DCAF6: variants seen among roughly 807,000 people sequenced by gnomAD.
DCAF6 encodes DDB1 and CUL4 associated factor 6.
A neutral mutation model predicts 125.1 loss-of-function variants in DCAF6; 54 were observed. The ratio of observed to expected loss-of-function variants is 0.43; its 90% CI spans 0.35 to 0.54. The LOEUF (loss-of-function observed/expected upper bound fraction) is 0.54. Ranked by LOEUF, DCAF6 falls within the 20% of genes least tolerant of loss-of-function variation. The pLI is 0.01. For missense variants in DCAF6, 934 were observed against 1,161.7 expected (o/e 0.80, Z 2.85); for synonymous variants, 371 against 390.4 (o/e 0.95, Z 0.58).
chr1:168,032,306 A>C (rs1047775778), intron 12 of DCAF6, among the ~76,000 whole-genome samples: 1 of 152,250 alleles, frequency 6.6e-6, no homozygotes, highest in Non-Finnish European at 1.5e-5. Flanking sequence ...TCTGTAGGGT[A>C]GATAGATCTT....
chr1:167,882,742 T>C, the DCAF6 span, among the ~76,000 whole-genome samples: 3 of 151,718 alleles, frequency 2.0e-5, no homozygotes, highest in African/African-American at 7.3e-5. Context: ...CCCAGCATAG[T>C]GAGCTCAGAC....
At chr1:167,905,170 T>G in the DCAF6 span, 1 of 1,613,728 alleles carries the variant, frequency 6.2e-7, no homozygotes, top group Non-Finnish European at 8.5e-7. Context: ...GATTTTATGG[T>G]GACAGGAAGC....
At chr1:168,018,237 A>G (rs1685229686) in intron 11 of DCAF6, among the ~76,000 whole-genome samples, 1 of 152,162 alleles carries the variant, frequency 6.6e-6, no homozygotes, top group Non-Finnish European at 1.5e-5. Flanking sequence ...AATATTATCT[A>G]TTTAGTTGCT....
At chr1:168,004,477 T>C in intron 9 of DCAF6, 56 bp from the exon 10 acceptor site, 1 of 1,536,422 alleles carries the variant, frequency 6.5e-7, no homozygotes, top group East Asian at 2.3e-5. Context: ...CTGTTTAGAG[T>C]TGTTGGTTTT....
At position 168,051,016 on chromosome 1, in the gene DCAF6, A is replaced by G. The variant is rs578091059; in HGVS notation, c.2300+83A>G. 34 of 641,846 alleles carry G rather than the reference A, an allele frequency of 5.3e-5. No individual in the cohort carries two copies. In the East Asian group the frequency reaches 8.6e-4, roughly 16 times the overall value. The allele number at this position is 641,846 out of a possible 1,614,324, so 39.8% of individuals were successfully genotyped here. On this transcript the variant is annotated intron_variant, in intron 17 of 21. Coordinates refer to ENST00000367840, the MANE Select transcript of DCAF6 (RefSeq NM_001198956.2). Reference sequence around the variant, plus strand: ...TTTGCCACAGCTAACCACCTTTCCTATTAACAGTTAATACTCCCTTTGGAC... The same window carrying G: ...TTTGCCACAGCTAACCACCTTTCCTGTTAACAGTTAATACTCCCTTTGGAC...
intron 17 of DCAF6, chr1:168,056,504 G>A: frequency 1.5e-6 from 1 of 678,424 alleles, no homozygotes; most frequent in Non-Finnish European, 2.1e-6. Flanking sequence ...CCAGGCTTAA[G>A]TTTTTAATAA....
At chr1:167,891,830 T>A in the DCAF6 span, among the ~76,000 whole-genome samples, 23 of 152,312 alleles carry the variant, frequency 1.5e-4, no homozygotes, top group African/African-American at 5.5e-4. Context: ...AAACACATTT[T>A]CTAGATTAAA....
At chr1:168,050,254 C>T (rs1689745538) in intron 16 of DCAF6, among the ~76,000 whole-genome samples, 1 of 152,164 alleles carries the variant, frequency 6.6e-6, no homozygotes, top group Admixed American at 6.5e-5. Flanking sequence ...TATACCTACT[C>T]TGGACCATGG....
At chr1:168,005,590 A>G (rs1683232728) in intron 10 of DCAF6, among the ~76,000 whole-genome samples, 1 of 152,162 alleles carries the variant, frequency 6.6e-6, no homozygotes, top group Non-Finnish European at 1.5e-5. Context: ...ATTTTACTCA[A>G]TATAGAGCCA....
At chr1:168,042,303 G>A (rs1688646154) in intron 13 of DCAF6, among the ~76,000 whole-genome samples, 1 of 151,872 alleles carries the variant, frequency 6.6e-6, no homozygotes. Flanking sequence ...CAGTCAGATT[G>A]TTATACATGT....
intron 20 of DCAF6, 79 bp downstream of exon 20, chr1:168,066,544 A>T (rs1225450992): frequency 5.2e-6 from 5 of 969,652 alleles, no homozygotes; most frequent in Non-Finnish European, 7.9e-6. Flanking sequence ...ATTAAAAGTT[A>T]TTAGTTGCTA....
At chr1:168,049,496 C>G (rs1689595695) in intron 16 of DCAF6, among the ~76,000 whole-genome samples, 1 of 143,908 alleles carries the variant, frequency 6.9e-6, no homozygotes, top group African/African-American at 2.5e-5. Context: ...GTCTTGAACT[C>G]CTGGCCTCAA....
chr1:167,901,338 G>C, the DCAF6 span, among the ~76,000 whole-genome samples: 2 of 152,108 alleles, frequency 1.3e-5, no homozygotes, highest in African/African-American at 4.8e-5. Flanking sequence ...GCACAACCTT[G>C]ACAAGCAGCA....
intron 11 of DCAF6, among the ~76,000 whole-genome samples, chr1:168,019,250 G>A (rs888664676): frequency 5.3e-5 from 8 of 151,976 alleles, no homozygotes; most frequent in East Asian, 1.9e-4. Flanking sequence ...GGATTTCACC[G>A]TGTCAGCCAG....
intron 5 of DCAF6, among the ~76,000 whole-genome samples, chr1:167,990,096 A>G (rs984445856): frequency 1.3e-5 from 2 of 152,224 alleles, no homozygotes; most frequent in African/African-American, 2.4e-5. Context: ...AGTAAAAAGT[A>G]TAAAATATAG....
the DCAF6 span, chr1:167,902,032 G>A: frequency 6.2e-7 from 1 of 1,612,032 alleles, no homozygotes; most frequent in Non-Finnish European, 8.5e-7. Flanking sequence ...ATTTCAGGAT[G>A]TCTCCTCCAA....
chr1:167,980,852 T>G (rs1679002836), intron 4 of DCAF6, among the ~76,000 whole-genome samples: 1 of 152,028 alleles, frequency 6.6e-6, no homozygotes, highest in Non-Finnish European at 1.5e-5. Context: ...TTAACTGTGA[T>G]TTTGTTGTTA....
At chr1:168,010,262 T>TCA (rs557199534) in intron 10 of DCAF6, among the ~76,000 whole-genome samples, 2 of 150,990 alleles carry the variant, frequency 1.3e-5, no homozygotes, top group African/African-American at 4.9e-5. Flanking sequence ...AATTGTCTCA[T>TCA]TATATATATA....
intron 1 of DCAF6, among the ~76,000 whole-genome samples, chr1:167,943,737 A>G (rs1430184752): frequency 1.3e-5 from 2 of 152,190 alleles, no homozygotes; most frequent in Non-Finnish European, 2.9e-5. Context: ...TGTTTAGAAC[A>G]CACTTATGAG....
Sources: gnomAD v4.1 joint callset for allele counts (sites outside exome capture counted in the v4.1 genomes callset) on GRCh38, gnomAD v4.1.1 for gene constraint, MANE v1.5 for transcripts, NCBI Gene and HGNC (gene_info 2026-07-23, HGNC 2026-07-21) for gene names.